The following PDE12 variants were observed in gnomAD, a reference collection of about 807,000 sequenced individuals.
The protein encoded by PDE12 is phosphodiesterase 12.
Under a neutral mutation model 45.4 loss-of-function variants are expected in PDE12, and 26 were observed. That is an observed-to-expected ratio of 0.57 (90% confidence interval 0.42 to 0.79). The LOEUF (loss-of-function observed/expected upper bound fraction) is 0.79, where lower values mean the gene tolerates loss of function less well. PDE12 is among the 30% of genes least tolerant of loss of function. The pLI, the probability that PDE12 is intolerant of heterozygous loss-of-function variation, is 0.00. For synonymous variants in PDE12, 283 were observed against 323.9 expected, an observed-to-expected ratio of 0.87 and a Z score of 1.36; for missense variants, 668 against 790.0, an observed-to-expected ratio of 0.85 and a Z score of 1.85.
At chr3:57,653,647 G>T in the PDE12 span, among the ~76,000 whole-genome samples, 450 of 151,438 alleles carry the variant, frequency 3.0e-3, 1 homozygote, top group African/African-American at 0.01. Flanking sequence ...TCGGGAGGCT[G>T]AGGCAGGAGA....
At chr3:57,578,895 G>A in the PDE12 span, among the ~76,000 whole-genome samples, 1 of 151,574 alleles carries the variant, frequency 6.6e-6, no homozygotes, top group South Asian at 2.1e-4. Flanking sequence ...AGAAAAGGGG[G>A]GGGGCAAAAA....
the PDE12 span, among the ~76,000 whole-genome samples, chr3:57,624,154 C>CTTT: frequency 6.9e-6 from 1 of 144,196 alleles, no homozygotes. Flanking sequence ...TGTCTGACTA[C>CTTT]TTTTTTTTTT....
the PDE12 span, among the ~76,000 whole-genome samples, chr3:57,590,677 T>C: frequency 2.0e-5 from 3 of 152,148 alleles, no homozygotes; most frequent in African/African-American, 7.2e-5. Flanking sequence ...TGTGTGTACA[T>C]ATATATACAT....
chr3:57,603,022 C>T, the PDE12 span, among the ~76,000 whole-genome samples: 1 of 151,754 alleles, frequency 6.6e-6, no homozygotes, highest in African/African-American at 2.4e-5. Context: ...CAAAAATTAG[C>T]CAGGCATGGT....
downstream of PDE12, among the ~76,000 whole-genome samples, chr3:57,569,134 A>G (rs1354617970): frequency 6.6e-6 from 1 of 152,226 alleles, no homozygotes; most frequent in East Asian, 1.9e-4. Flanking sequence ...GAATCTTGAT[A>G]GCATCAACTA....
At chr3:57,610,072 G>A in the PDE12 span, among the ~76,000 whole-genome samples, 1 of 152,094 alleles carries the variant, frequency 6.6e-6, no homozygotes, top group Non-Finnish European at 1.5e-5. Flanking sequence ...ATGCAAGGCT[G>A]GTTCAACATA....
the PDE12 span, chr3:57,634,557 C>A: frequency 7.4e-7 from 1 of 1,357,746 alleles, no homozygotes; most frequent in Non-Finnish European, 9.8e-7. Context: ...CAACTAATTA[C>A]CTTCTGTAAT....
At chr3:57,583,446 C>T in the PDE12 span, among the ~76,000 whole-genome samples, 128 of 152,242 alleles carry the variant, frequency 8.4e-4, no homozygotes, top group Non-Finnish European at 1.4e-3. Context: ...TATATACATA[C>T]TATGTGGCAA....
the PDE12 span, among the ~76,000 whole-genome samples, chr3:57,624,851 A>T: frequency 6.6e-6 from 1 of 152,210 alleles, no homozygotes; most frequent in African/African-American, 2.4e-5. Flanking sequence ...TTGGGTTTTT[A>T]AAAAGGTAGC....
the PDE12 span, among the ~76,000 whole-genome samples, chr3:57,602,199 T>G: frequency 6.6e-6 from 1 of 152,226 alleles, no homozygotes; most frequent in African/African-American, 2.4e-5. Flanking sequence ...AACAGTTTAA[T>G]CCATGCCACT....
chr3:57,634,734 T>G, the PDE12 span: 2 of 1,571,860 alleles, frequency 1.3e-6, no homozygotes, highest in Non-Finnish European at 1.7e-6. Context: ...TTTAGATTCT[T>G]CAGTTTTTTC....
downstream of PDE12, among the ~76,000 whole-genome samples, chr3:57,570,057 T>C: frequency 6.6e-6 from 1 of 152,010 alleles, no homozygotes; most frequent in Admixed American, 6.6e-5. Flanking sequence ...ATAGTTCAGT[T>C]TTATCCTATA....
chr3:57,621,032 GAC>G, the PDE12 span, among the ~76,000 whole-genome samples: 1 of 152,084 alleles, frequency 6.6e-6, no homozygotes, highest in Non-Finnish European at 1.5e-5. Flanking sequence ...CTTTAAAAAG[GAC>G]ACAAACTGGA....
At chr3:57,636,362 T>C in the PDE12 span, among the ~76,000 whole-genome samples, 58,765 of 152,114 alleles carry the variant, frequency 0.39, 12,687 homozygotes, top group South Asian at 0.56. Flanking sequence ...AAAAAAGCAG[T>C]ATCATGGATA....
At chr3:57,569,829 CAAAAA>C (rs11310053), downstream of PDE12, among the ~76,000 whole-genome samples, 2 of 67,878 alleles carry the variant, frequency 2.9e-5, no homozygotes, top group African/African-American at 6.1e-5. Flanking sequence ...AAAACCATCT[CAAAAA>C]AAAAAAAAAA....
the PDE12 span, among the ~76,000 whole-genome samples, chr3:57,593,357 A>T: frequency 1.4e-3 from 217 of 152,344 alleles, no homozygotes; most frequent in Non-Finnish European, 2.6e-3. Flanking sequence ...GGAAAAACAT[A>T]AAAAAATTAC....
chr3:57,654,982 A>G, the PDE12 span: 17 of 221,862 alleles, frequency 7.7e-5, no homozygotes, highest in Non-Finnish European at 1.3e-4. Flanking sequence ...TAATACTATC[A>G]CTGTGTGAGA....
the PDE12 span, among the ~76,000 whole-genome samples, chr3:57,656,442 G>A: frequency 3.3e-5 from 5 of 151,838 alleles, no homozygotes; most frequent in South Asian, 2.1e-4. Flanking sequence ...TGGATACTTC[G>A]GTTGTGTATA....
At chr3:57,645,752 T>TA in the PDE12 span, 1 of 1,610,912 alleles carries the variant, frequency 6.2e-7, no homozygotes, top group East Asian at 2.2e-5. Context: ...AATGGAGAAA[T>TA]ACAGCTGTGG....
Sources: allele counts gnomAD v4.1 joint callset (sites outside exome capture counted in the v4.1 genomes callset), GRCh38; gene constraint gnomAD v4.1.1; transcripts MANE v1.5; gene names NCBI Gene and HGNC (gene_info 2026-07-23, HGNC 2026-07-21).